Variants in PGAP4 observed in about 807,000 individuals in gnomAD.
The protein encoded by PGAP4 is GPI-N-acetylgalactosamine transferase PGAP4.
In PGAP4, 12 loss-of-function variants were observed where a neutral mutation model predicts 28.2. The ratio of observed to expected loss-of-function variants is 0.42; its 90% CI spans 0.27 to 0.69. The LOEUF is 0.69. Ranked by LOEUF, PGAP4 falls within the 30% of genes least tolerant of loss-of-function variation. The pLI, the probability that PGAP4 is intolerant of heterozygous loss-of-function variation, is 0.22. For synonymous variants in PGAP4, 205 were observed against 211.8 expected, an observed-to-expected ratio of 0.97 and a Z score of 0.28; for missense variants, 425 against 513.5, an observed-to-expected ratio of 0.83 and a Z score of 1.67.
intron 1 of PGAP4, among the ~76,000 whole-genome samples, chr9:101,483,863 T>A (rs868014075): frequency 6.6e-6 from 1 of 152,116 alleles, no homozygotes; most frequent in African/African-American, 2.4e-5. Flanking sequence ...TAAAAAGTCA[T>A]TAATAAACAG....
At chr9:101,520,482 G>A (rs1230699023) in intron 2 of PGAP4, among the ~76,000 whole-genome samples, 1 of 152,066 alleles carries the variant, frequency 6.6e-6, no homozygotes, top group African/African-American at 2.4e-5. Context: ...TGCAGCTATT[G>A]TAAAAGTGGT....
chr9:101,509,802 T>C (rs901207612), intron 2 of PGAP4, among the ~76,000 whole-genome samples: 35 of 152,286 alleles, frequency 2.3e-4, no homozygotes, highest in African/African-American at 8.2e-4. Flanking sequence ...ACGGTGCTTC[T>C]GACTCACATT....
chr9:101,494,514 T>A (rs889046769), intron 2 of PGAP4, among the ~76,000 whole-genome samples: 1 of 151,880 alleles, frequency 6.6e-6, no homozygotes, highest in Non-Finnish European at 1.5e-5. Context: ...TTCGTATCAA[T>A]TATTCAATTT....
intron 2 of PGAP4, among the ~76,000 whole-genome samples, chr9:101,527,487 A>G (rs1238446380): frequency 1.3e-5 from 2 of 152,148 alleles, no homozygotes; most frequent in Non-Finnish European, 2.9e-5. Flanking sequence ...TCCCTTATTG[A>G]TCCTAGAATA....
intron 1 of PGAP4, among the ~76,000 whole-genome samples, chr9:101,483,645 G>A (rs973115453): frequency 2.0e-5 from 3 of 151,710 alleles, no homozygotes; most frequent in Middle Eastern, 6.8e-3. Flanking sequence ...ATATACACAT[G>A]TACTATATAT....
chr9:101,490,880 T>C (rs1048109751), upstream of PGAP4, among the ~76,000 whole-genome samples: 1 of 152,212 alleles, frequency 6.6e-6, no homozygotes, highest in African/African-American at 2.4e-5. Flanking sequence ...ATATCTTTGC[T>C]TCCTGGATGT....
intron 2 of PGAP4, among the ~76,000 whole-genome samples, chr9:101,523,669 G>A (rs967974988): frequency 2.7e-5 from 2 of 75,448 alleles, no homozygotes; most frequent in African/African-American, 1.1e-4. Context: ...CCTTGCATTG[G>A]GCTTCGCCTT....
chr9:101,497,322 C>CT (rs1235309774), intron 2 of PGAP4, among the ~76,000 whole-genome samples: 1 of 151,440 alleles, frequency 6.6e-6, no homozygotes, highest in East Asian at 1.9e-4. Context: ...CTTTAAGTTA[C>CT]TTTTTTTGTT....
intron 1 of PGAP4, among the ~76,000 whole-genome samples, chr9:101,482,227 C>A (rs1483465873): frequency 6.6e-6 from 1 of 152,236 alleles, no homozygotes. Context: ...GCAGGCGGAT[C>A]ACGAGGTCAG....
intron 2 of PGAP4, among the ~76,000 whole-genome samples, chr9:101,510,866 G>T (rs1826891866): frequency 6.6e-6 from 1 of 151,998 alleles, no homozygotes; most frequent in Non-Finnish European, 1.5e-5. Flanking sequence ...TACAATTGAA[G>T]TACCTCAACT....
chr9:101,531,100 CAAACCTGCCTTGT>C (rs1009631891), intron 2 of PGAP4: 11 of 151,990 alleles, frequency 7.2e-5, no homozygotes, highest in African/African-American at 2.7e-4. Flanking sequence ...CTCCAGGTTG[CAAACCTGCCTTGT>C]AGATTTTGGT....
exon 1 of PGAP4, chr9:101,533,400 C>T (rs527585478): frequency 2.0e-5 from 3 of 152,336 alleles, no homozygotes; most frequent in African/African-American, 7.2e-5. Context: ...TCCTCAAATC[C>T]CTCAGATTCT....
chr9:101,477,046 C>T lies in PGAP4; in HGVS notation c.47G>A (p.Arg16Gln), dbSNP rs749930907. Residue 16 changes from arginine to glutamine, a missense_variant, in exon 2 of 2, where the codon CGG becomes CAG. Arg to Gln is a conservative substitution (Grantham distance 43, BLOSUM62 1). Transcript: ENST00000374848. ...SPAAMLLRRL[R>Q]RLSWGSTAVQ... Reference sequence around the variant, plus strand: ...AGCAGTGCTGCCCCAGGAGAGTCGCCGCAGCCTCCGGAGGAGCATGGCAGC... The same window carrying T: ...AGCAGTGCTGCCCCAGGAGAGTCGCTGCAGCCTCCGGAGGAGCATGGCAGC... 2.7e-5 allele frequency: 43 copies of T among 1,609,320 alleles called. No individual in the cohort carries two copies. In the East Asian group the frequency reaches 4.5e-4, roughly 17 times the overall value.
chr9:101,522,904 TTGCAG>T (rs1406403692), intron 2 of PGAP4, among the ~76,000 whole-genome samples: 1 of 152,230 alleles, frequency 6.6e-6, no homozygotes, highest in Non-Finnish European at 1.5e-5. Context: ...TTAGCAGTTC[TTGCAG>T]TGGTGGCTTG....
chr9:101,502,258 G>A (rs16920439), intron 2 of PGAP4, among the ~76,000 whole-genome samples: 49,129 of 151,944 alleles, frequency 0.32, 8,093 homozygotes, highest in East Asian at 0.43. Context: ...GCGATCTGAA[G>A]TGTTATCCCA....
rs538290463 is a variant in PGAP4 at position 101,524,594 on chromosome 9, T to C, written c.-165+6754A>G. On this transcript the variant is annotated intron_variant, in intron 2 of 3. Transcript: ENST00000374851. ...TCTGTCTACTCTCCCGATGGATCCCTGTGGTGCCAGCCAGGAATGGGCTGC... is the reference window on the plus strand; with the variant it reads ...TCTGTCTACTCTCCCGATGGATCCCCGTGGTGCCAGCCAGGAATGGGCTGC... Among the ~76,000 whole-genome samples, 80 of 152,318 alleles carry C rather than the reference T, an allele frequency of 5.3e-4. 1 individual carries two copies. Among genetic ancestry groups the C allele is most frequent in the African/African-American group, 1.8e-3 (76 of 41,580 alleles).
At chr9:101,523,292 A>G (rs1827004262) in intron 2 of PGAP4, among the ~76,000 whole-genome samples, 1 of 152,112 alleles carries the variant, frequency 6.6e-6, no homozygotes. Context: ...ATTCCCCCAA[A>G]TATATTTTCC....
chr9:101,516,249 A>G (rs1034432573), intron 2 of PGAP4, among the ~76,000 whole-genome samples: 7 of 152,160 alleles, frequency 4.6e-5, no homozygotes, highest in Admixed American at 2.6e-4. Context: ...CTTCCAAAAA[A>G]AGTCTGTCTC....
chr9:101,510,286 CT>C (rs1826885110), intron 2 of PGAP4, among the ~76,000 whole-genome samples: 1 of 152,154 alleles, frequency 6.6e-6, no homozygotes, highest in Admixed American at 6.5e-5. Context: ...GGCTTCTTAG[CT>C]TTAGCAGTGC....
Sources: allele counts gnomAD v4.1 joint callset (sites outside exome capture counted in the v4.1 genomes callset), GRCh38; gene constraint gnomAD v4.1.1; transcripts MANE v1.5; gene names NCBI Gene and HGNC (gene_info 2026-07-23, HGNC 2026-07-21).